SCN11A: variants seen among roughly 807,000 people sequenced by gnomAD.
SCN11A encodes the protein sodium voltage-gated channel alpha subunit 11, also known as sodium channel protein type 11 subunit alpha.
A neutral mutation model predicts 162.2 loss-of-function variants in SCN11A; 122 were observed. The observed-to-expected ratio is 0.75, with a 90% CI of 0.65 to 0.87. The LOEUF (loss-of-function observed/expected upper bound fraction) is 0.87, where lower values mean the gene tolerates loss of function less well. Among genes scored for constraint, SCN11A ranks in the 40% least tolerant of loss-of-function variants. The probability of loss-of-function intolerance (pLI) is 0.00; values close to 1 mark genes in which losing one functional copy is unlikely to be tolerated. For synonymous variants in SCN11A, 758 were observed against 751.5 expected, an observed-to-expected ratio of 1.01 and a Z score of -0.14; for missense variants, 2,015 against 2,181.6, an observed-to-expected ratio of 0.92 and a Z score of 1.52.
chr3:38,983,065 A>G (rs2030116811), intron 2 of SCN11A, among the ~76,000 whole-genome samples: 1 of 152,222 alleles, frequency 6.6e-6, no homozygotes, highest in Admixed American at 6.5e-5. Flanking sequence ...AATGTCAGCA[A>G]GAAGCCAGAG....
At chr3:38,918,867 A>T (rs2066002030) in intron 11 of SCN11A, among the ~76,000 whole-genome samples, 1 of 152,208 alleles carries the variant, frequency 6.6e-6, no homozygotes. Flanking sequence ...GTAATCATGC[A>T]TTGCTCAACA....
intron 7 of SCN11A, among the ~76,000 whole-genome samples, chr3:38,938,951 C>T (rs1471718066): frequency 3.3e-5 from 5 of 152,018 alleles, no homozygotes; most frequent in Admixed American, 6.5e-5. Flanking sequence ...CTTAGGCAGG[C>T]GGATCACTTG....
chr3:39,025,322 G>C (rs931356101), intron 2 of SCN11A, among the ~76,000 whole-genome samples: 11 of 152,160 alleles, frequency 7.2e-5, no homozygotes, highest in Non-Finnish European at 1.5e-4. Context: ...ACACAAGAAA[G>C]GGTTTGGAGC....
chr3:38,956,583 T>C (rs1487023520), intron 3 of SCN11A, among the ~76,000 whole-genome samples: 2 of 152,178 alleles, frequency 1.3e-5, no homozygotes, highest in Non-Finnish European at 2.9e-5. Flanking sequence ...CAGCAGATAG[T>C]AACATCAGGG....
At chr3:39,025,819 G>T (rs2031573643) in intron 2 of SCN11A, among the ~76,000 whole-genome samples, 1 of 152,156 alleles carries the variant, frequency 6.6e-6, no homozygotes, top group Non-Finnish European at 1.5e-5. Context: ...TGGGAGTGCA[G>T]CCTAGTAGGT....
intron 2 of SCN11A, among the ~76,000 whole-genome samples, chr3:39,023,475 C>T (rs1342099221): frequency 1.3e-5 from 2 of 152,046 alleles, no homozygotes; most frequent in Non-Finnish European, 2.9e-5. Flanking sequence ...TTCTGCAATG[C>T]TTCCTTTATA....
At chr3:38,850,254 T>C in intron 29 of SCN11A, 1 of 507,826 alleles carries the variant, frequency 2.0e-6, no homozygotes, top group Non-Finnish European at 3.5e-6. Flanking sequence ...GCATGATTAT[T>C]GAACTCTATT....
At chr3:38,943,991 T>C (rs2066478768) in intron 7 of SCN11A, among the ~76,000 whole-genome samples, 1 of 152,200 alleles carries the variant, frequency 6.6e-6, no homozygotes, top group Non-Finnish European at 1.5e-5. Context: ...TACAAGGAAA[T>C]AATAAATGTC....
intron 2 of SCN11A, among the ~76,000 whole-genome samples, chr3:39,012,248 C>T (rs1223011186): frequency 1.3e-5 from 2 of 152,060 alleles, no homozygotes; most frequent in Non-Finnish European, 1.5e-5. Context: ...TCGCTTGAAC[C>T]TGGGAGGCAG....
At chr3:38,960,588 A>C (rs569573502) in intron 2 of SCN11A, among the ~76,000 whole-genome samples, 165 bp from the exon 3 acceptor site, 1 of 152,376 alleles carries the variant, frequency 6.6e-6, no homozygotes, top group South Asian at 2.1e-4. Context: ...TGCAGAAAGC[A>C]TCATTAATAA....
intron 1 of SCN11A, among the ~76,000 whole-genome samples, chr3:39,035,672 C>T (rs1434879520): frequency 2.0e-5 from 3 of 152,038 alleles, no homozygotes; most frequent in Non-Finnish European, 4.4e-5. Context: ...TGGAGTCTCG[C>T]TCTGTTGCCC....
At chr3:38,964,466 G>A (rs1243059702) in intron 2 of SCN11A, among the ~76,000 whole-genome samples, 4 of 152,198 alleles carry the variant, frequency 2.6e-5, no homozygotes, top group African/African-American at 9.7e-5. Context: ...GAACAGGTGT[G>A]CTGAGAAAGA....
intron 7 of SCN11A, among the ~76,000 whole-genome samples, chr3:38,937,488 A>T (rs2066354820): frequency 6.6e-6 from 1 of 151,508 alleles, no homozygotes; most frequent in Non-Finnish European, 1.5e-5. Context: ...CAAAGGGCTA[A>T]TATCCAGAAT....
At chr3:38,893,415 C>T (rs540301232) in intron 19 of SCN11A, among the ~76,000 whole-genome samples, 1 of 152,204 alleles carries the variant, frequency 6.6e-6, no homozygotes, top group African/African-American at 2.4e-5. Context: ...TCACAATAAA[C>T]ATTGGAGATC....
chr3:38,978,145 G>A (rs1250039149), intron 2 of SCN11A, among the ~76,000 whole-genome samples: 2 of 152,208 alleles, frequency 1.3e-5, no homozygotes, highest in Non-Finnish European at 2.9e-5. Flanking sequence ...TGGTGGTGGA[G>A]AGGCCAGGAT....
intron 2 of SCN11A, among the ~76,000 whole-genome samples, chr3:39,027,972 A>G (rs1382721205): frequency 2.0e-5 from 3 of 152,150 alleles, no homozygotes; most frequent in African/African-American, 7.2e-5. Flanking sequence ...CTCACCTCCC[A>G]GGTGGTCCTC....
At chr3:38,949,522 T>C (rs752112669) in intron 5 of SCN11A, among the ~76,000 whole-genome samples, 64 of 152,232 alleles carry the variant, frequency 4.2e-4, no homozygotes, top group Non-Finnish European at 8.7e-4. Context: ...GTTTGAGCCC[T>C]ATTAGTCTCA....
At chr3:38,893,813 A>G (rs773780033) in intron 19 of SCN11A, among the ~76,000 whole-genome samples, 7 of 151,960 alleles carry the variant, frequency 4.6e-5, no homozygotes, top group Non-Finnish European at 1.0e-4. Context: ...AAAATAAAAT[A>G]TAATTAAATA....
chr3:38,929,892 C>A (rs1162110792), intron 7 of SCN11A, among the ~76,000 whole-genome samples: 2 of 152,164 alleles, frequency 1.3e-5, no homozygotes, highest in Non-Finnish European at 2.9e-5. Context: ...CAGATACAGA[C>A]CCTTTGATCT....
Sources: gnomAD v4.1 joint callset for allele counts (sites outside exome capture counted in the v4.1 genomes callset) on GRCh38, gnomAD v4.1.1 for gene constraint, MANE v1.5 for transcripts, NCBI Gene and HGNC (gene_info 2026-07-23, HGNC 2026-07-21) for gene names.